Variants in ADAMTS18 observed in about 807,000 individuals in gnomAD.
ADAMTS18 encodes ADAM metallopeptidase with thrombospondin type 1 motif 18, also known as A disintegrin and metalloproteinase with thrombospondin motifs 18.
In ADAMTS18, 157 loss-of-function variants were observed where a neutral mutation model predicts 165.9. That is an observed-to-expected ratio of 0.95 (90% CI 0.83 to 1.08). The LOEUF is 1.08. ADAMTS18 is among the 50% of genes least tolerant of loss of function. The probability of loss-of-function intolerance (pLI) is 0.00; values close to 1 mark genes in which losing one functional copy is unlikely to be tolerated. For missense variants in ADAMTS18, 2,040 were observed against 1,534.0 expected (o/e 1.33, Z -5.51); for synonymous variants, 782 against 578.2 (o/e 1.35, Z -5.06).
intron 3 of ADAMTS18, among the ~76,000 whole-genome samples, chr16:77,429,422 G>T (rs751559472): frequency 1.3e-5 from 2 of 152,136 alleles, no homozygotes; most frequent in African/African-American, 2.4e-5. Flanking sequence ...AATAGACACT[G>T]AGGTCTACTT....
Position 77,431,418 on chromosome 16 carries a change from G to A in ADAMTS18, c.372C>T (p.Val124=), listed in dbSNP as rs1480199061. 5 of 1,614,166 alleles carry A rather than the reference G, an allele frequency of 3.1e-6. No individual in the cohort carries two copies. The highest frequency in any genetic ancestry group is 2.2e-5 in the East Asian group (1 of 44,870). The part of the protein sequence containing the change: ...PSAILSSHFI[V]QVLGKDGASE... The stretch of plus-strand genomic sequence containing the variant: ...AAGCACCATCTTTTCCAAGTACCTG[G>A]ACAATAAAGTGACTGCTCAAAATCG... Residue 124 remains valine (V), a synonymous_variant, in exon 3 of 23, where the codon GTC becomes GTT. Coordinates refer to ENST00000282849, the MANE Select transcript of ADAMTS18 (RefSeq NM_199355.4).
At chr16:77,407,893 G>A (rs2057412886) in intron 3 of ADAMTS18, among the ~76,000 whole-genome samples, 1 of 151,934 alleles carries the variant, frequency 6.6e-6, no homozygotes, top group Non-Finnish European at 1.5e-5. Context: ...TTTTAATACA[G>A]GAAGCCAGAG....
chr16:77,291,400 T>G lies in ADAMTS18; in HGVS notation c.3268A>C (p.Thr1090Pro). ...TTACGGCATCTTCGCTCTGGGAAAG[T>G]TATCAGCTTTCCCTGGAAGCCCTTC... ...SEKGFQGKLITFPERRCRNIK... is the reference protein window; with the variant it reads ...SEKGFQGKLIPFPERRCRNIK... Residue 1090 changes from threonine to proline, a missense_variant, in exon 21 of 23, where the codon ACT becomes CCT. Transcript: ENST00000282849. 12 of 1,614,112 alleles carry G rather than the reference T, an allele frequency of 7.4e-6. No homozygotes were observed. The highest frequency in any genetic ancestry group is 1.0e-5 in the Non-Finnish European group (12 of 1,180,002).
intron 3 of ADAMTS18, among the ~76,000 whole-genome samples, chr16:77,375,428 T>C (rs755188879): frequency 1.3e-5 from 2 of 152,084 alleles, no homozygotes; most frequent in Non-Finnish European, 2.9e-5. Flanking sequence ...TTCCATGAGA[T>C]AAAATAATAG....
intron 3 of ADAMTS18, among the ~76,000 whole-genome samples, chr16:77,400,436 GTGTGTGTGTGTGTGTGTGTC>G (rs1221521217): frequency 2.4e-3 from 241 of 98,832 alleles, no homozygotes; most frequent in African/African-American, 8.0e-3. Flanking sequence ...GTGTGTGTGT[GTGTGTGTGTGTGTGTGTGTC>G]TGTGTGTGTG....
At chr16:77,311,726 T>C (rs1255043092) in intron 16 of ADAMTS18, among the ~76,000 whole-genome samples, 4 of 145,250 alleles carry the variant, frequency 2.8e-5, no homozygotes, top group Non-Finnish European at 6.0e-5. Context: ...GCTTTGAATA[T>C]ATTTGCAACT....
chr16:77,410,855 G>A (rs1485689858), intron 3 of ADAMTS18, among the ~76,000 whole-genome samples: 1 of 152,144 alleles, frequency 6.6e-6, no homozygotes. Flanking sequence ...CAACAGAAAT[G>A]CATTTAGTGC....
Position 77,292,199 on chromosome 16 carries a change from C to T in ADAMTS18, c.3190-721G>A, listed in dbSNP as rs913389950. On this transcript the variant is annotated intron_variant, in intron 20 of 22. Transcript: ENST00000282849. ...GGTATAGTGGTGCATGCCTCTAGTC[C>T]GAGGCAGCAGATTACCTGAGCGAGG... is the stretch of plus-strand genomic sequence containing the variant. Among the ~76,000 whole-genome samples, 10 of 151,964 alleles carry T rather than the reference C, an allele frequency of 6.6e-5. 2 individuals carry two copies. The East Asian group carries it at 7.7e-4, about 12-fold the overall frequency.
chr16:77,347,253 G>C (rs1020447487), intron 10 of ADAMTS18, among the ~76,000 whole-genome samples: 1 of 152,192 alleles, frequency 6.6e-6, no homozygotes, highest in Non-Finnish European at 1.5e-5. Flanking sequence ...AATAGTAGCT[G>C]AGAATGTTCT....
intron 3 of ADAMTS18, among the ~76,000 whole-genome samples, chr16:77,383,424 C>G (rs1597205526): frequency 6.6e-6 from 1 of 152,204 alleles, no homozygotes; most frequent in South Asian, 2.1e-4. Context: ...CATTGCTGTT[C>G]TATAAATAAA....
intron 6 of ADAMTS18, among the ~76,000 whole-genome samples, chr16:77,362,475 G>C (rs1204006742): frequency 6.6e-6 from 1 of 152,206 alleles, no homozygotes; most frequent in Admixed American, 6.5e-5. Flanking sequence ...TGTGATTTAT[G>C]ATTGATCATA....
At chr16:77,339,257 C>T (rs536621581) in intron 11 of ADAMTS18, among the ~76,000 whole-genome samples, 94 of 152,126 alleles carry the variant, frequency 6.2e-4, no homozygotes, top group Non-Finnish European at 9.9e-4. Context: ...AATCATTACA[C>T]GGGAGTGATG....
chr16:77,382,264 G>A (rs1452837153), intron 3 of ADAMTS18, among the ~76,000 whole-genome samples: 1 of 152,150 alleles, frequency 6.6e-6, no homozygotes, highest in Non-Finnish European at 1.5e-5. Flanking sequence ...AGGCTGGAGT[G>A]CAGTGGCGCG....
At chr16:77,433,902 T>A (rs1239473114) in intron 2 of ADAMTS18, among the ~76,000 whole-genome samples, 1 of 152,056 alleles carries the variant, frequency 6.6e-6, no homozygotes, top group Non-Finnish European at 1.5e-5. Context: ...AGTCACCTGC[T>A]TTCCTCTCTC....
intron 21 of ADAMTS18, 33 bp from the exon 22 acceptor site, chr16:77,289,444 C>T: frequency 6.2e-7 from 1 of 1,612,290 alleles, no homozygotes; most frequent in Non-Finnish European, 8.5e-7. Context: ...GAGTCAGAAA[C>T]ACTCTACTGA....
At chr16:77,341,661 T>C in intron 11 of ADAMTS18, 43 bp downstream of exon 11, 1 of 1,506,276 alleles carries the variant, frequency 6.6e-7, no homozygotes, top group Non-Finnish European at 9.2e-7. Context: ...TTCTATGCCT[T>C]ATCAAATTTC....
intron 22 of ADAMTS18, among the ~76,000 whole-genome samples, chr16:77,285,517 A>G (rs1318693930): frequency 6.6e-6 from 1 of 152,178 alleles, no homozygotes; most frequent in Non-Finnish European, 1.5e-5. Context: ...AAAAATATTT[A>G]GAGTATACAC....
At chr16:77,320,960 AC>A in intron 15 of ADAMTS18, 118 bp downstream of exon 15, 3 of 1,267,668 alleles carry the variant, frequency 2.4e-6, no homozygotes, top group Non-Finnish European at 3.5e-6. Context: ...GAAAAATGCC[AC>A]CATCACTAGT....
At chr16:77,422,984 A>G (rs75867324) in intron 3 of ADAMTS18, among the ~76,000 whole-genome samples, 5,242 of 152,276 alleles carry the variant, frequency 0.034, 129 homozygotes, top group Non-Finnish European at 0.054. Flanking sequence ...CTTGAGGACA[A>G]TGACTCTGAG....
Sources: gnomAD v4.1 joint callset for allele counts (sites outside exome capture counted in the v4.1 genomes callset) on GRCh38, gnomAD v4.1.1 for gene constraint, MANE v1.5 for transcripts, NCBI Gene and HGNC (gene_info 2026-07-23, HGNC 2026-07-21) for gene names.